Variants in GCN1 observed in about 807,000 individuals in gnomAD.
GCN1 encodes stalled ribosome sensor GCN1.
A neutral mutation model predicts 288.4 loss-of-function variants in GCN1; 90 were observed. The ratio of observed to expected loss-of-function variants is 0.31; its 90% CI spans 0.26 to 0.37. The LOEUF is 0.37. Among genes scored for constraint, GCN1 ranks in the 10% least tolerant of loss-of-function variants. GCN1 has a pLI of 1.00. For missense variants in GCN1, 2,586 were observed against 3,419.9 expected, an observed-to-expected ratio of 0.76 and a Z score of 6.08; for synonymous variants, 1,386 against 1,420.2, an observed-to-expected ratio of 0.98 and a Z score of 0.54.
intron 5 of GCN1, among the ~76,000 whole-genome samples, chr12:120,179,942 G>T (rs1444678429): frequency 6.6e-6 from 1 of 152,118 alleles, no homozygotes; most frequent in Non-Finnish European, 1.5e-5. Context: ...TCTTGATATG[G>T]GGATTCGAAC....
At chr12:120,178,111 G>C (rs541914234) in intron 7 of GCN1, among the ~76,000 whole-genome samples, 1 of 152,226 alleles carries the variant, frequency 6.6e-6, no homozygotes, top group Admixed American at 6.5e-5. Context: ...TCTTGACCTT[G>C]CTAATTCCTC....
Position 120,153,651 on chromosome 12 carries a change from C to G in GCN1, c.3867+93G>C, listed in dbSNP as rs1877643328. 6 of 1,251,560 alleles carry G rather than the reference C, an allele frequency of 4.8e-6. No homozygotes were observed. The highest frequency in any genetic ancestry group is 6.8e-6 in the Non-Finnish European group (6 of 878,270). The allele number at this position is 1,251,560 out of a possible 1,614,324, so 77.5% of individuals were successfully genotyped here. ...TCTTGGCACTCAGCATTTCTGGCCC[C>G]TGCTCAGCCCTAGCGCCTGCCTCCC... On this transcript the variant is annotated intron_variant, in intron 32 of 57. Coordinates refer to ENST00000300648, the MANE Select transcript of GCN1 (RefSeq NM_006836.2). This position sits in a 1 kb window ranked among gnomAD's most constrained non-coding sequence, Gnocchi z 4.4.
At chr12:120,149,851 C>A in intron 35 of GCN1, 71 bp downstream of exon 35, 1 of 1,587,740 alleles carries the variant, frequency 6.3e-7, no homozygotes, top group Non-Finnish European at 8.6e-7. Flanking sequence ...TGTGCCAAGG[C>A]CTGCAGACAC....
intron 2 of GCN1, among the ~76,000 whole-genome samples, chr12:120,189,998 C>T (rs1878952568): frequency 6.6e-6 from 1 of 150,788 alleles, no homozygotes; most frequent in Non-Finnish European, 1.5e-5. Context: ...GAAAAAAACA[C>T]AAAAAAAACC....
chr12:120,145,247 C>A lies in GCN1; in HGVS notation c.5016+15G>T. 1 of 1,586,270 alleles carries A rather than the reference C, an allele frequency of 6.3e-7. No homozygotes were observed. On this transcript the variant is annotated intron_variant, in intron 39 of 57. Coordinates refer to ENST00000300648, the MANE Select transcript of GCN1 (RefSeq NM_006836.2). ...TGAGGGGCCTGGCCCATCCCCCAGCCTACCTCAGACTCACCTCAGGCACAG... is the reference window on the plus strand; with the variant it reads ...TGAGGGGCCTGGCCCATCCCCCAGCATACCTCAGACTCACCTCAGGCACAG...
At position 120,137,372 on chromosome 12, in the gene GCN1, T is replaced by G; in HGVS notation, c.6664-53A>C. Reference sequence around the variant, plus strand: ...GATGTACAGCCCTCTCAAGACTGCTTCCAAAGAATATATGGGGAAAGCGTG... The same window carrying G: ...GATGTACAGCCCTCTCAAGACTGCTGCCAAAGAATATATGGGGAAAGCGTG... On this transcript the variant is annotated intron_variant, in intron 49 of 57. Coordinates refer to ENST00000300648, the MANE Select transcript of GCN1 (RefSeq NM_006836.2). This position sits in a 1 kb window ranked among gnomAD's most constrained non-coding sequence, Gnocchi z 5.2. The G allele has an allele frequency of 6.7e-7, 1 of 1,502,252 alleles. No homozygotes were observed. The highest frequency in any genetic ancestry group is 9.3e-7 in the Non-Finnish European group (1 of 1,079,824). 93.1% of individuals were successfully genotyped at this position (1,502,252 alleles called of 1,614,324 possible).
rs922950172 is a variant in GCN1, at chr12:120,162,208, A to G, written c.2164-150T>C. 4.7e-6 allele frequency: 3 copies of G among 643,428 alleles called. No individual in the cohort carries two copies. In the East Asian group the frequency reaches 8.2e-5, roughly 18 times the overall value. The allele number at this position is 643,428 out of a possible 1,614,324, so 39.9% of individuals were successfully genotyped here. A position where few individuals can be genotyped will look rare whatever the true frequency, so the allele number is the denominator to read the frequency against. On this transcript the variant is annotated intron_variant, in intron 20 of 57. Coordinates refer to ENST00000300648, the MANE Select transcript of GCN1 (RefSeq NM_006836.2). ...AATGCCCATCACAGTGGCCGGCTGGAGTCTGCGTCTGCTTTCCTCACCAAG... is the reference window on the plus strand; with the variant it reads ...AATGCCCATCACAGTGGCCGGCTGGGGTCTGCGTCTGCTTTCCTCACCAAG...
intron 18 of GCN1, among the ~76,000 whole-genome samples, chr12:120,163,580 G>T (rs765646858): frequency 1.3e-5 from 2 of 152,208 alleles, no homozygotes; most frequent in Non-Finnish European, 2.9e-5. Context: ...AGGGAGGGAA[G>T]CAGTGGAACA....
intron 2 of GCN1, among the ~76,000 whole-genome samples, chr12:120,185,526 G>A (rs1469113254): frequency 6.6e-6 from 1 of 152,162 alleles, no homozygotes; most frequent in Non-Finnish European, 1.5e-5. Context: ...CTTACAAGAT[G>A]CCAGACCCTG....
intron 14 of GCN1, among the ~76,000 whole-genome samples, chr12:120,171,970 C>T (rs933572143): frequency 4.0e-5 from 6 of 151,592 alleles, no homozygotes; most frequent in East Asian, 1.9e-4. Flanking sequence ...CAAGCAATCC[C>T]GCTGCCTCAG....
chr12:120,179,645 C>T (rs1008149063), intron 5 of GCN1, among the ~76,000 whole-genome samples: 5 of 152,016 alleles, frequency 3.3e-5, no homozygotes, highest in Admixed American at 2.0e-4. Context: ...ATGATCCGCC[C>T]GCCTCGGCCT....
chr12:120,151,388 G>A lies in GCN1; in HGVS notation c.4066C>T (p.Gln1356Ter). 1 of 1,613,240 alleles carries A rather than the reference G, an allele frequency of 6.2e-7. No individual in the cohort carries two copies. The highest frequency in any genetic ancestry group is 8.5e-7 in the Non-Finnish European group (1 of 1,179,962). The stretch of plus-strand genomic sequence containing the variant: ...GGCAAGCAGCTGGCTACGGACTCCT[G>A]GACCTGGGGAAGGGCCCACCTGTCA... ...AALSTPSQQV[Q>*]ESVASCLPPL... is the part of the protein sequence containing the mutation. The change falls in exon 34 of 58, where the codon CAG (glutamine) becomes TAG (stop). Residue 1356 changes from glutamine to a stop codon, truncating the protein, a stop_gained. Transcript: ENST00000300648. LOFTEE classifies it high-confidence loss of function.
At chr12:120,169,276 CAAAAAAAAAAA>C (rs35819206) in intron 15 of GCN1, among the ~76,000 whole-genome samples, 2 of 66,674 alleles carry the variant, frequency 3.0e-5, no homozygotes, top group Non-Finnish European at 2.6e-5. Flanking sequence ...AACTCCGTCT[CAAAAAAAAAAA>C]AAAAAAAAGA....
chr12:120,164,453 G>C lies in GCN1; in HGVS notation c.1731C>G (p.Thr577=), dbSNP rs1878035057. The C allele has an allele frequency of 1.2e-6, 2 of 1,614,208 alleles. No individual in the cohort carries two copies. The highest frequency in any genetic ancestry group is 1.3e-5 in the African/African-American group (1 of 75,062). The part of the protein sequence containing the change: ...RALVAVLLSR[T]WHVRRQAQQT... Reference sequence around the variant, plus strand: ...GCTGAGCCTGCCTGCGGACGTGCCAGGTGCGGCTCAGGAGCACCGCCACCA... The same window carrying C: ...GCTGAGCCTGCCTGCGGACGTGCCACGTGCGGCTCAGGAGCACCGCCACCA... Residue 577 remains threonine, a synonymous_variant, in exon 18 of 58, where the codon ACC becomes ACG. Coordinates refer to ENST00000300648, the MANE Select transcript of GCN1 (RefSeq NM_006836.2).
rs1877645190 is a variant in GCN1 at position 120,153,699 on chromosome 12, C to A, written c.3867+45G>T. ...CCCGTGTCTCCTTAGCGGGCTGGGACCCCCTTACCTTCCCGTGGGTGTTCC... is the reference window on the plus strand; with the variant it reads ...CCCGTGTCTCCTTAGCGGGCTGGGAACCCCTTACCTTCCCGTGGGTGTTCC... On this transcript the variant is annotated intron_variant, in intron 32 of 57. Coordinates refer to ENST00000300648, the MANE Select transcript of GCN1 (RefSeq NM_006836.2). This position sits in a 1 kb window ranked among gnomAD's most constrained non-coding sequence, Gnocchi z 4.4. 1 of 1,583,760 alleles carries A rather than the reference C, an allele frequency of 6.3e-7. No homozygotes were observed. The highest frequency in any genetic ancestry group is 1.3e-5 in the African/African-American group (1 of 74,488).
chr12:120,132,605 C>T (rs1299094273), intron 53 of GCN1, among the ~76,000 whole-genome samples: 3 of 152,182 alleles, frequency 2.0e-5, no homozygotes, highest in Non-Finnish European at 2.9e-5. Flanking sequence ...CTAATCAAGC[C>T]AAGGAAGATA....
rs147251127 is a variant in GCN1, at chr12:120,154,852, A to G, written c.3701+118T>C. Reference sequence around the variant, plus strand: ...GGCTGATGGAACTCAGGCCTCCCCGACTCTGAGGGAGGTCCTGCTCTTTCA... The same window carrying G: ...GGCTGATGGAACTCAGGCCTCCCCGGCTCTGAGGGAGGTCCTGCTCTTTCA... On this transcript the variant is annotated intron_variant, in intron 31 of 57. Coordinates refer to ENST00000300648, the MANE Select transcript of GCN1 (RefSeq NM_006836.2). The G allele has an allele frequency of 8.5e-4, 1,051 of 1,234,940 alleles. 5 individuals are homozygous for G. In the African/African-American group the frequency reaches 0.014, roughly 16 times the overall value. 76.5% of individuals were successfully genotyped at this position (1,234,940 alleles called of 1,614,324 possible).
Position 120,176,172 on chromosome 12 carries a change from T to C in GCN1, c.884A>G (p.Tyr295Cys). ...LASVTLDLSQ[Y>C]AMDIVKGLAG... ...CAGTCCTTTCACGATGTCCATGGCATACTGGCTGAGGTCAAGCGTCACTGA... is the reference window on the plus strand; with the variant it reads ...CAGTCCTTTCACGATGTCCATGGCACACTGGCTGAGGTCAAGCGTCACTGA... Residue 295 changes from tyrosine (Y) to cysteine (C), a missense_variant, in exon 10 of 58, where the codon TAT becomes TGT. Transcript: ENST00000300648. 6.2e-7 allele frequency: 1 copy of C among 1,612,244 alleles called. No homozygotes were observed. Among genetic ancestry groups the C allele is most frequent in the South Asian group, 1.1e-5 (1 of 91,030 alleles).
chr12:120,147,315 G>A, intron 37 of GCN1, 43 bp from the exon 38 acceptor site: 1 of 1,140,436 alleles, frequency 8.8e-7, no homozygotes, highest in South Asian at 1.6e-5. Flanking sequence ...ATACATCTAT[G>A]CAGCTGCAAG....
Sources: gnomAD v4.1 joint callset for allele counts (sites outside exome capture counted in the v4.1 genomes callset) on GRCh38, gnomAD v4.1.1 for gene constraint, Gnocchi (gnomAD v3.1) non-coding constraint, MANE v1.5 for transcripts, NCBI Gene and HGNC (gene_info 2026-07-23, HGNC 2026-07-21) for gene names.